KLF12: variants seen among roughly 807,000 people sequenced by gnomAD.
KLF12 encodes KLF transcription factor 12.
Under a neutral mutation model 37.8 loss-of-function variants are expected in KLF12, and 9 were observed. The ratio of observed to expected loss-of-function variants is 0.24; its 90% CI spans 0.14 to 0.42. The LOEUF is 0.42. Ranked by LOEUF, KLF12 falls within the 10% of genes least tolerant of loss-of-function variation. The pLI is 1.00. For synonymous variants in KLF12, 208 were observed against 202.1 expected (o/e 1.03, Z -0.25); for missense variants, 411 against 516.0 (o/e 0.80, Z 1.97).
At chr13:74,242,870 C>A in the KLF12 span, among the ~76,000 whole-genome samples, 3 of 152,168 alleles carry the variant, frequency 2.0e-5, no homozygotes, top group Non-Finnish European at 2.9e-5. Context: ...TTTCTGGGCA[C>A]TCGGGGAAGT....
the KLF12 span, among the ~76,000 whole-genome samples, chr13:74,170,386 CTT>C: frequency 6.7e-3 from 1,015 of 152,266 alleles, 13 homozygotes; most frequent in African/African-American, 0.023. Flanking sequence ...ACTTAACAAT[CTT>C]GGGAATTGGG....
chr13:73,747,713 T>C (rs540376319), intron 6 of KLF12, among the ~76,000 whole-genome samples: 7 of 152,184 alleles, frequency 4.6e-5, no homozygotes, highest in Non-Finnish European at 8.8e-5. Flanking sequence ...CAGGTATTAT[T>C]AGCAAGCCCC....
chr13:74,070,796 A>G (rs1329125318), intron 1 of KLF12, among the ~76,000 whole-genome samples: 2 of 152,084 alleles, frequency 1.3e-5, no homozygotes, highest in Non-Finnish European at 2.9e-5. Flanking sequence ...ACCTTCTGAG[A>G]CTCTGGGGTT....
chr13:73,716,255 A>G (rs1566315182), intron 6 of KLF12, among the ~76,000 whole-genome samples: 1 of 152,196 alleles, frequency 6.6e-6, no homozygotes, highest in Non-Finnish European at 1.5e-5. Flanking sequence ...ATTAGTTTAT[A>G]ATGTCAGGTA....
chr13:74,014,326 T>C (rs1892633981), intron 1 of KLF12, among the ~76,000 whole-genome samples: 1 of 152,244 alleles, frequency 6.6e-6, no homozygotes, highest in African/African-American at 2.4e-5. Context: ...TCTTCCTATG[T>C]CCTGCGTTTG....
intron 1 of KLF12, among the ~76,000 whole-genome samples, chr13:74,027,212 TGAA>T (rs202231868): frequency 1.4e-4 from 21 of 152,280 alleles, no homozygotes; most frequent in Non-Finnish European, 2.4e-4. Context: ...TGAGAATTTG[TGAA>T]GAAATACGAA....
At chr13:74,076,387 G>C (rs1470699801) in intron 1 of KLF12, among the ~76,000 whole-genome samples, 1 of 152,114 alleles carries the variant, frequency 6.6e-6, no homozygotes, top group African/African-American at 2.4e-5. Context: ...CAAGGGGCTG[G>C]AAGGTTTGTC....
At chr13:74,095,970 T>A (rs1566210015) in intron 1 of KLF12, among the ~76,000 whole-genome samples, 1 of 152,154 alleles carries the variant, frequency 6.6e-6, no homozygotes. Flanking sequence ...TAGAATCGTC[T>A]GACAGAAGTA....
chr13:74,170,763 C>A, the KLF12 span, among the ~76,000 whole-genome samples: 3 of 152,008 alleles, frequency 2.0e-5, no homozygotes, highest in Non-Finnish European at 4.4e-5. Flanking sequence ...GTTCCTAGTA[C>A]CTTATTTTAT....
rs57156299 is a variant in KLF12, at chr13:74,082,163, T to TAAAAAAAA, written c.-32+51568_-32+51575dup. On this transcript the variant is annotated intron_variant, in intron 1 of 7. Transcript: ENST00000377669. ...GGCAACATAGCAAGACCCTGTCTCT[T>TAAAAAAAA]AAAAAAAAAAAAAAACAAAGTTAGC... Among the ~76,000 whole-genome samples the TAAAAAAAA allele has an allele frequency of 5.5e-3, 629 of 114,654 alleles. 19 individuals carry two copies. Among genetic ancestry groups the TAAAAAAAA allele is most frequent in the African/African-American group, 0.018 (519 of 28,316 alleles). The allele number at this position is 114,654 out of a possible 152,430, so 75.2% of individuals were successfully genotyped here.
the KLF12 span, among the ~76,000 whole-genome samples, chr13:74,167,356 G>C: frequency 1.3e-5 from 2 of 152,216 alleles, no homozygotes; most frequent in African/African-American, 2.4e-5. Flanking sequence ...TTAGTATTAG[G>C]TGTAAGGGAA....
chr13:73,942,391 C>G (rs902380389), intron 3 of KLF12, among the ~76,000 whole-genome samples: 6 of 151,970 alleles, frequency 3.9e-5, no homozygotes, highest in African/African-American at 1.5e-4. Context: ...AGACGCCAGG[C>G]TCTATATGAG....
chr13:73,914,147 C>T (rs2139170855), intron 3 of KLF12, among the ~76,000 whole-genome samples: 1 of 152,298 alleles, frequency 6.6e-6, no homozygotes, highest in South Asian at 2.1e-4. Flanking sequence ...TCTGACCTAC[C>T]TTAAACCCTA....
At chr13:73,904,776 T>C (rs1157897027) in intron 3 of KLF12, among the ~76,000 whole-genome samples, 1 of 152,132 alleles carries the variant, frequency 6.6e-6, no homozygotes, top group Non-Finnish European at 1.5e-5. Flanking sequence ...GAGGCAGACT[T>C]AACAGTGATG....
At chr13:74,087,566 T>C (rs1442282549) in intron 1 of KLF12, among the ~76,000 whole-genome samples, 1 of 152,136 alleles carries the variant, frequency 6.6e-6, no homozygotes, top group African/African-American at 2.4e-5. Flanking sequence ...AGTCAAGTGC[T>C]TGGCTAAATC....
chr13:73,946,606 A>AT (rs1319551963), intron 2 of KLF12, among the ~76,000 whole-genome samples: 1 of 152,168 alleles, frequency 6.6e-6, no homozygotes, highest in African/African-American at 2.4e-5. Context: ...AACATTCTCG[A>AT]TTTTTTTAAG....
chr13:73,700,727 A>G (rs1205418942), intron 7 of KLF12, among the ~76,000 whole-genome samples: 1 of 152,056 alleles, frequency 6.6e-6, no homozygotes, highest in African/African-American at 2.4e-5. Context: ...AGTGCCTAGT[A>G]TTTCATTAAA....
the KLF12 span, among the ~76,000 whole-genome samples, chr13:74,293,926 C>A: frequency 1.3e-5 from 2 of 152,204 alleles, no homozygotes; most frequent in African/African-American, 4.8e-5. Flanking sequence ...ATGTACAGCC[C>A]ATTTTTAAAG....
At chr13:73,918,446 T>G (rs1393836099) in intron 3 of KLF12, among the ~76,000 whole-genome samples, 2 of 152,156 alleles carry the variant, frequency 1.3e-5, no homozygotes, top group African/African-American at 4.8e-5. Flanking sequence ...ACTACATAAA[T>G]GCCTACTAAC....
Sources: gnomAD v4.1 joint callset for allele counts (sites outside exome capture counted in the v4.1 genomes callset) on GRCh38, gnomAD v4.1.1 for gene constraint, MANE v1.5 for transcripts, NCBI Gene and HGNC (gene_info 2026-07-23, HGNC 2026-07-21) for gene names.